Variants in CYB5R4 observed in about 807,000 individuals in gnomAD.
The protein encoded by CYB5R4 is N-terminal cytochrome b5 and cytochrome b5 oxidoreductase domain-containing protein.
CYB5R4 carries 55 observed loss-of-function variants against 70.2 expected under a neutral mutation model. That is an observed-to-expected ratio of 0.78 (90% CI 0.63 to 0.98). The LOEUF is 0.98. Among genes scored for constraint, CYB5R4 ranks in the 50% least tolerant of loss-of-function variants. CYB5R4 has a pLI of 0.00. For missense variants in CYB5R4, 562 were observed against 612.6 expected (o/e 0.92, Z 0.87); for synonymous variants, 197 against 199.5 (o/e 0.99, Z 0.11).
chr6:83,895,679 T>G (rs1188443360), intron 3 of CYB5R4, among the ~76,000 whole-genome samples: 3 of 152,196 alleles, frequency 2.0e-5, no homozygotes, highest in Non-Finnish European at 4.4e-5. Context: ...AAGCTTGTTT[T>G]GGAGAATTCA....
In CYB5R4 at chr6:83,962,081, A is replaced by T. The variant is rs1216302113; in HGVS notation, c.*2203A>T. The T allele has an allele frequency of 6.6e-6, 1 of 152,048 alleles. No individual in the cohort carries two copies. The highest frequency in any genetic ancestry group is 1.9e-4 in the East Asian group (1 of 5,174). 9.4% of individuals were successfully genotyped at this position (152,048 alleles called of 1,614,324 possible). A position where few individuals can be genotyped will look rare whatever the true frequency, so the allele number is the denominator to read the frequency against. ...AGCTGAGCTTCAGTTTTCAATATCC[A>T]TTTACTTCCTGCATACCACCCCACC... On this transcript the variant is annotated 3_prime_UTR_variant, in exon 16 of 16. Coordinates refer to ENST00000369681, the MANE Select transcript of CYB5R4 (RefSeq NM_016230.4).
intron 7 of CYB5R4, among the ~76,000 whole-genome samples, chr6:83,920,316 T>G (rs1490306121): frequency 6.6e-6 from 1 of 152,124 alleles, no homozygotes; most frequent in African/African-American, 2.4e-5. Context: ...GCAGCATGAT[T>G]TGGTCATTCT....
chr6:83,953,594 C>G (rs1355393379), intron 14 of CYB5R4, among the ~76,000 whole-genome samples: 1 of 152,032 alleles, frequency 6.6e-6, no homozygotes, highest in African/African-American at 2.4e-5. Flanking sequence ...AAAGTTGTAT[C>G]AGAGTTTTTA....
At chr6:83,914,318 A>C (rs193052046) in intron 4 of CYB5R4, 98 bp from the exon 5 acceptor site, 1 of 1,313,850 alleles carries the variant, frequency 7.6e-7, no homozygotes, top group East Asian at 2.8e-5. Context: ...GCCCTTCAAA[A>C]AAGAAGGGAT....
At chr6:83,917,827 T>G (rs1367580710) in intron 5 of CYB5R4, among the ~76,000 whole-genome samples, 178 bp from the exon 6 acceptor site, 1 of 152,134 alleles carries the variant, frequency 6.6e-6, no homozygotes, top group Non-Finnish European at 1.5e-5. Flanking sequence ...TGCAAGGGTA[T>G]GTATGTTTCA....
At chr6:83,910,939 C>T (rs527850029) in intron 4 of CYB5R4, among the ~76,000 whole-genome samples, 3 of 152,138 alleles carry the variant, frequency 2.0e-5, no homozygotes, top group Non-Finnish European at 4.4e-5. Context: ...ATTAAGTCTT[C>T]ATTTTAATTC....
intron 3 of CYB5R4, among the ~76,000 whole-genome samples, chr6:83,904,646 T>C (rs1235706614): frequency 1.3e-5 from 2 of 152,350 alleles, no homozygotes; most frequent in East Asian, 3.9e-4. Flanking sequence ...CCACTATTAT[T>C]GTATTGGAGT....
At chr6:83,880,978 T>C (rs532141226) in intron 2 of CYB5R4, among the ~76,000 whole-genome samples, 1 of 152,238 alleles carries the variant, frequency 6.6e-6, no homozygotes, top group South Asian at 2.1e-4. Context: ...ATGCAGTCTC[T>C]TTGCTTCTTG....
chr6:83,885,672 C>T (rs1162192493), intron 2 of CYB5R4, among the ~76,000 whole-genome samples: 1 of 152,044 alleles, frequency 6.6e-6, no homozygotes, highest in Non-Finnish European at 1.5e-5. Context: ...ATGCTGTAAT[C>T]CAGTTCTGAA....
At chr6:83,885,610 A>G (rs921330211) in intron 2 of CYB5R4, among the ~76,000 whole-genome samples, 3 of 152,144 alleles carry the variant, frequency 2.0e-5, no homozygotes, top group Admixed American at 6.5e-5. Flanking sequence ...GCATTGTACT[A>G]CCTTTAACCA....
intron 10 of CYB5R4, among the ~76,000 whole-genome samples, chr6:83,931,057 A>G (rs140576531): frequency 2.1e-3 from 317 of 152,346 alleles, no homozygotes; most frequent in African/African-American, 7.3e-3. Flanking sequence ...GCATATCAGC[A>G]ATAAGCCTAT....
At chr6:83,920,838 C>T (rs1374348051) in intron 7 of CYB5R4, among the ~76,000 whole-genome samples, 1 of 151,852 alleles carries the variant, frequency 6.6e-6, no homozygotes, top group Non-Finnish European at 1.5e-5. Flanking sequence ...AACCTTAGAG[C>T]TTAGAGATTA....
intron 2 of CYB5R4, among the ~76,000 whole-genome samples, chr6:83,865,839 A>G (rs2099456638): frequency 6.6e-6 from 1 of 152,184 alleles, no homozygotes; most frequent in Non-Finnish European, 1.5e-5. Context: ...GTTTATATTG[A>G]GACATAACAG....
intron 3 of CYB5R4, among the ~76,000 whole-genome samples, chr6:83,897,713 C>G (rs1273800584): frequency 6.6e-6 from 1 of 152,160 alleles, no homozygotes; most frequent in Non-Finnish European, 1.5e-5. Context: ...AGTGTCTGTT[C>G]ATATCCTTTG....
chr6:83,885,023 A>G (rs539602389), intron 2 of CYB5R4, among the ~76,000 whole-genome samples: 1 of 152,160 alleles, frequency 6.6e-6, no homozygotes, highest in Non-Finnish European at 1.5e-5. Flanking sequence ...TCCAAGGACT[A>G]TTGTTTAGGA....
At chr6:83,900,882 C>G (rs1246011705) in intron 3 of CYB5R4, among the ~76,000 whole-genome samples, 3 of 152,124 alleles carry the variant, frequency 2.0e-5, no homozygotes, top group Admixed American at 6.5e-5. Flanking sequence ...AGATGGGTTT[C>G]CTGAATACAG....
intron 3 of CYB5R4, among the ~76,000 whole-genome samples, chr6:83,901,891 T>A (rs1257101587): frequency 2.6e-5 from 4 of 152,028 alleles, no homozygotes; most frequent in African/African-American, 7.2e-5. Flanking sequence ...CTTTTTTTTT[T>A]ATGGTTGGGT....
chr6:83,879,596 G>T (rs1256382195), intron 2 of CYB5R4, among the ~76,000 whole-genome samples: 1 of 152,026 alleles, frequency 6.6e-6, no homozygotes, highest in Non-Finnish European at 1.5e-5. Flanking sequence ...TTAACACCTT[G>T]TACTCCTGTA....
intron 14 of CYB5R4, among the ~76,000 whole-genome samples, chr6:83,954,708 G>A (rs902323241): frequency 4.0e-5 from 6 of 151,696 alleles, no homozygotes; most frequent in African/African-American, 1.5e-4. Context: ...GAGATCCCTT[G>A]GGATCTTTAT....
Sources: allele counts gnomAD v4.1 joint callset (sites outside exome capture counted in the v4.1 genomes callset), GRCh38; gene constraint gnomAD v4.1.1; transcripts MANE v1.5; gene names NCBI Gene and HGNC (gene_info 2026-07-23, HGNC 2026-07-21).